The following POU2F1 variants were observed in gnomAD, a reference collection of about 807,000 sequenced individuals.
POU2F1 encodes POU domain, class 2, transcription factor 1.
POU2F1 carries 16 observed loss-of-function variants against 84.9 expected under a neutral mutation model. The ratio of observed to expected loss-of-function variants is 0.19; its 90% CI spans 0.13 to 0.29. The LOEUF (loss-of-function observed/expected upper bound fraction) is 0.29. POU2F1 is among the 10% of genes least tolerant of loss of function. The probability of loss-of-function intolerance (pLI) is 1.00; values close to 1 mark genes in which losing one functional copy is unlikely to be tolerated. For synonymous variants in POU2F1, 368 were observed against 368.3 expected (o/e 1.00, Z 0.01); for missense variants, 738 against 942.6 (o/e 0.78, Z 2.84).
intron 1 of POU2F1, among the ~76,000 whole-genome samples, chr1:167,249,071 A>C (rs1225674820): frequency 1.3e-5 from 2 of 152,198 alleles, no homozygotes; most frequent in Admixed American, 1.3e-4. Flanking sequence ...AAACCTTTTC[A>C]ATTAATTCTT....
intron 13 of POU2F1, among the ~76,000 whole-genome samples, chr1:167,405,630 A>G (rs112374806): frequency 3.9e-5 from 6 of 152,196 alleles, no homozygotes; most frequent in African/African-American, 1.4e-4. Context: ...TGAGGCTGCA[A>G]TAAGCTGAGA....
chr1:167,346,701 A>G (rs897928769), intron 2 of POU2F1, among the ~76,000 whole-genome samples: 3 of 152,170 alleles, frequency 2.0e-5, no homozygotes, highest in African/African-American at 2.4e-5. Flanking sequence ...CAATAACGCT[A>G]TCTTGCCCAC....
At chr1:167,370,551 C>G (rs1021777017) in intron 4 of POU2F1, among the ~76,000 whole-genome samples, 1 of 152,134 alleles carries the variant, frequency 6.6e-6, no homozygotes, top group Non-Finnish European at 1.5e-5. Context: ...TTCCAAAAGA[C>G]TTGTTATTTA....
intron 2 of POU2F1, among the ~76,000 whole-genome samples, chr1:167,352,693 C>T (rs111316663): frequency 0.025 from 3,830 of 152,268 alleles, 163 homozygotes; most frequent in African/African-American, 0.086. Flanking sequence ...TTCAGCTTTA[C>T]CATTTCCAAA....
At chr1:167,297,246 A>G (rs1412171680) in intron 1 of POU2F1, among the ~76,000 whole-genome samples, 1 of 152,180 alleles carries the variant, frequency 6.6e-6, no homozygotes, top group Admixed American at 6.5e-5. Context: ...CCAAATTAAT[A>G]ACTCTTAATA....
intron 14 of POU2F1, 47 bp from the exon 15 acceptor site, chr1:167,412,979 A>G: frequency 6.7e-7 from 1 of 1,486,226 alleles, no homozygotes; most frequent in Non-Finnish European, 9.3e-7. Flanking sequence ...TCAAAATGAG[A>G]CCTGCGTCTG....
At chr1:167,356,412 A>G (rs1187044773) in intron 2 of POU2F1, among the ~76,000 whole-genome samples, 1 of 152,106 alleles carries the variant, frequency 6.6e-6, no homozygotes, top group Non-Finnish European at 1.5e-5. Flanking sequence ...AATCACCTGC[A>G]AAGGGTTTTA....
intron 1 of POU2F1, among the ~76,000 whole-genome samples, chr1:167,282,178 T>C (rs1164376725): frequency 2.6e-5 from 4 of 151,940 alleles, no homozygotes; most frequent in Non-Finnish European, 5.9e-5. Flanking sequence ...AGTCTCGCTC[T>C]GTCGCCCAGG....
chr1:167,233,784 A>G (rs375518539), intron 1 of POU2F1, among the ~76,000 whole-genome samples: 1 of 152,206 alleles, frequency 6.6e-6, no homozygotes, highest in Non-Finnish European at 1.5e-5. Context: ...TTATGAGGCT[A>G]TTTGCATGAT....
At chr1:167,268,915 T>C (rs1398517957) in intron 1 of POU2F1, among the ~76,000 whole-genome samples, 1 of 152,240 alleles carries the variant, frequency 6.6e-6, no homozygotes, top group African/African-American at 2.4e-5. Context: ...TCCTGTATTT[T>C]TAAAGTAATA....
chr1:167,263,348 TG>T (rs1651707930), intron 1 of POU2F1, among the ~76,000 whole-genome samples: 1 of 152,026 alleles, frequency 6.6e-6, no homozygotes, highest in South Asian at 2.1e-4. Flanking sequence ...GATGAAACCC[TG>T]TTTCTACTAA....
intron 1 of POU2F1, among the ~76,000 whole-genome samples, chr1:167,259,570 A>G (rs1571183260): frequency 6.6e-6 from 1 of 152,118 alleles, no homozygotes; most frequent in East Asian, 1.9e-4. Context: ...TAAGAGTTTT[A>G]TTAAGGGGGG....
At chr1:167,377,232 G>C (rs377518164) in intron 7 of POU2F1, among the ~76,000 whole-genome samples, 18 of 152,292 alleles carry the variant, frequency 1.2e-4, no homozygotes, top group African/African-American at 3.6e-4. Context: ...CTTAGATTAA[G>C]TTTCCAGGAG....
chr1:167,391,250 A>C (rs1648377391), intron 9 of POU2F1, among the ~76,000 whole-genome samples: 1 of 151,940 alleles, frequency 6.6e-6, no homozygotes, highest in Non-Finnish European at 1.5e-5. Flanking sequence ...TGCAAATAAT[A>C]CTTTTAAAGC....
intron 1 of POU2F1, among the ~76,000 whole-genome samples, chr1:167,242,636 T>C (rs914673977): frequency 4.6e-5 from 7 of 152,228 alleles, no homozygotes; most frequent in Admixed American, 4.6e-4. Context: ...ATTTACCTTT[T>C]ATGTGAAATT....
At chr1:167,353,733 G>A (rs561059612) in intron 2 of POU2F1, among the ~76,000 whole-genome samples, 1 of 151,886 alleles carries the variant, frequency 6.6e-6, no homozygotes, top group Non-Finnish European at 1.5e-5. Flanking sequence ...ATTCTTTTAC[G>A]ATTTTATGCA....
At chr1:167,372,711 A>G (rs1290710709) in intron 5 of POU2F1, among the ~76,000 whole-genome samples, 1 of 152,158 alleles carries the variant, frequency 6.6e-6, no homozygotes, top group Non-Finnish European at 1.5e-5. Flanking sequence ...ACGTTCTGTC[A>G]TTTATTTTTT....
chr1:167,406,519 G>T (rs935301728), intron 13 of POU2F1, among the ~76,000 whole-genome samples: 1 of 152,048 alleles, frequency 6.6e-6, no homozygotes, highest in Non-Finnish European at 1.5e-5. Flanking sequence ...GGAGGTTATA[G>T]CCTCCAGTAA....
rs1485263565 is a variant in POU2F1 at position 167,416,098 on chromosome 1, A to G, written c.*288A>G. ...TTCTAACCAAAAATTAAAAAAAAAA[A>G]AAAAAAAAGAAACAAAAAAATCAAA... On this transcript the variant is annotated 3_prime_UTR_variant, in exon 16 of 16. Transcript: ENST00000367866. The G allele has an allele frequency of 3.6e-6, 2 of 549,096 alleles. No homozygotes were observed. Among genetic ancestry groups the G allele is most frequent in the South Asian group, 3.5e-5 (2 of 56,418 alleles). 34.0% of individuals were successfully genotyped at this position (549,096 alleles called of 1,614,324 possible). A position where few individuals can be genotyped will look rare whatever the true frequency, so the allele number is the denominator to read the frequency against.
Sources: gnomAD v4.1 joint callset for allele counts (sites outside exome capture counted in the v4.1 genomes callset) on GRCh38, gnomAD v4.1.1 for gene constraint, MANE v1.5 for transcripts, NCBI Gene and HGNC (gene_info 2026-07-23, HGNC 2026-07-21) for gene names.